DZANK1: variants seen among roughly 807,000 people sequenced by gnomAD.
The protein encoded by DZANK1 is double zinc ribbon and ankyrin repeat domains 1, also known as double zinc ribbon and ankyrin repeat-containing protein 1.
Under a neutral mutation model 94.5 loss-of-function variants are expected in DZANK1, and 91 were observed. The ratio of observed to expected loss-of-function variants is 0.96; its 90% CI spans 0.81 to 1.15. The LOEUF (loss-of-function observed/expected upper bound fraction) is 1.15, where lower values mean the gene tolerates loss of function less well. DZANK1 is among the 50% of genes most tolerant of loss of function. The pLI, the probability that DZANK1 is intolerant of heterozygous loss-of-function variation, is 0.00. For missense variants in DZANK1, 903 were observed against 916.4 expected, an observed-to-expected ratio of 0.99 and a Z score of 0.19; for synonymous variants, 312 against 325.3, an observed-to-expected ratio of 0.96 and a Z score of 0.44.
Position 18,433,746 on chromosome 20 carries a change from C to G in DZANK1, c.767G>C (p.Cys256Ser), listed in dbSNP as rs1392314392. 15 of 1,613,872 alleles carry G rather than the reference C, an allele frequency of 9.3e-6. No homozygotes were observed. The East Asian group carries it at 3.3e-4, about 36-fold the overall frequency. Residue 256 changes from cysteine to serine, a missense_variant, in exon 9 of 21, where the codon TGC (cysteine) becomes TCC (serine). Physicochemically the swap from Cys to Ser is moderately radical, Grantham distance 112. Transcript: ENST00000262547. ...AGTGTTCATGGGTACCAAGCTTCTG[C>G]ATTCTGCACACAAGCCCATCTGCAC... is the stretch of plus-strand genomic sequence containing the variant.
At chr20:18,406,748 G>T (rs181490422) in intron 13 of DZANK1, among the ~76,000 whole-genome samples, 10 of 152,362 alleles carry the variant, frequency 6.6e-5, no homozygotes, top group Admixed American at 2.0e-4. Flanking sequence ...GGCTCTTGGG[G>T]TCCCTGAGTC....
chr20:18,446,953 C>A (rs1345674127), intron 7 of DZANK1, among the ~76,000 whole-genome samples: 1 of 152,128 alleles, frequency 6.6e-6, no homozygotes, highest in Non-Finnish European at 1.5e-5. Flanking sequence ...AACCTTTTAG[C>A]AAATCAAATT....
chr20:18,456,348 A>G (rs1012026049), intron 3 of DZANK1, among the ~76,000 whole-genome samples: 4 of 152,240 alleles, frequency 2.6e-5, no homozygotes, highest in Non-Finnish European at 5.9e-5. Flanking sequence ...GCCCATGACT[A>G]AAAACTAGTG....
At chr20:18,398,586 G>C (rs1177477797) in exon 14 of DZANK1, 1 of 1,614,010 alleles carries the variant, frequency 6.2e-7, no homozygotes. Flanking sequence ...CATAACACCT[G>C]AGGTGAGCAG....
chr20:18,432,501 T>G (rs2058323656), intron 9 of DZANK1: 2 of 152,224 alleles, frequency 1.3e-5, no homozygotes, highest in Non-Finnish European at 2.9e-5. Flanking sequence ...CTACCTGACT[T>G]TGGCCTGGCC....
chr20:18,426,076 C>T (rs925459899), intron 10 of DZANK1, among the ~76,000 whole-genome samples: 4 of 152,154 alleles, frequency 2.6e-5, no homozygotes, highest in African/African-American at 4.8e-5. Context: ...CCCCAACCCC[C>T]GGGCCATGGA....
chr20:18,459,622 A>G (rs931440982), intron 3 of DZANK1, among the ~76,000 whole-genome samples: 2 of 152,180 alleles, frequency 1.3e-5, no homozygotes, highest in Admixed American at 6.5e-5. Context: ...CAAATTAAAT[A>G]GTGTTTCTAT....
At chr20:18,414,598 C>T in intron 11 of DZANK1, 86 bp from the exon 12 acceptor site, 1 of 1,443,028 alleles carries the variant, frequency 6.9e-7, no homozygotes, top group Non-Finnish European at 9.3e-7. Flanking sequence ...TTAACATATG[C>T]CCAGACTCTC....
chr20:18,463,973 T>A (rs1166466043), intron 2 of DZANK1, among the ~76,000 whole-genome samples: 1 of 152,202 alleles, frequency 6.6e-6, no homozygotes, highest in African/African-American at 2.4e-5. Context: ...ATTATATATG[T>A]GTATGTATAT....
At chr20:18,424,326 G>T (rs1256921387) in intron 10 of DZANK1, among the ~76,000 whole-genome samples, 1 of 152,046 alleles carries the variant, frequency 6.6e-6, no homozygotes, top group Non-Finnish European at 1.5e-5. Context: ...ATGGTGGCAG[G>T]CACCTGTAGT....
intron 13 of DZANK1, among the ~76,000 whole-genome samples, chr20:18,401,319 T>C (rs1568898565): frequency 1.3e-5 from 2 of 151,916 alleles, no homozygotes. Flanking sequence ...TTGGAAAGGG[T>C]CATTGTAAGA....
chr20:18,424,047 G>C (rs1282339203), intron 10 of DZANK1, among the ~76,000 whole-genome samples: 1 of 152,118 alleles, frequency 6.6e-6, no homozygotes, highest in Non-Finnish European at 1.5e-5. Context: ...GACAGAGAGA[G>C]AAGGAATGAT....
In DZANK1 at chr20:18,412,866, C is replaced by G. The variant is rs749869947; in HGVS notation, c.1243-31G>C. Reference sequence around the variant, plus strand: ...AGGCACATCGGGGCCATGCGTGAGGCAGAAGACATTTTTAAAATTAGAATA... The same window carrying G: ...AGGCACATCGGGGCCATGCGTGAGGGAGAAGACATTTTTAAAATTAGAATA... On this transcript the variant is annotated intron_variant, in intron 12 of 20. Coordinates refer to ENST00000262547, the Ensembl canonical transcript of DZANK1. 3.1e-6 allele frequency: 5 copies of G among 1,601,462 alleles called. No individual in the cohort carries two copies. The African/African-American group carries it at 6.7e-5, about 22-fold the overall frequency.
exon 16 of DZANK1, chr20:18,394,267 G>T (rs2056196608): frequency 6.2e-7 from 1 of 1,613,364 alleles, no homozygotes; most frequent in Non-Finnish European, 8.5e-7. Flanking sequence ...AGCTGGACCT[G>T]CTGCCGCACA....
At position 18,396,453 on chromosome 20, in the gene DZANK1, C is replaced by G; in HGVS notation, c.1611+19G>C. 6.3e-7 allele frequency: 1 copy of G among 1,596,756 alleles called. No homozygotes were observed. Among genetic ancestry groups the G allele is most frequent in the Non-Finnish European group, 8.6e-7 (1 of 1,167,764 alleles). On this transcript the variant is annotated intron_variant, in intron 15 of 20. Transcript: ENST00000262547. ...AATCGGTCAGTTCTCAAATGAATAA[C>G]TTCTGGAGGCTTACTCACCTTGTTT...
intron 6 of DZANK1, among the ~76,000 whole-genome samples, chr20:18,451,379 T>C (rs1165476946): frequency 6.6e-6 from 1 of 152,180 alleles, no homozygotes; most frequent in Non-Finnish European, 1.5e-5. Context: ...AATTCTTTCA[T>C]CTCTTGGTTT....
chr20:18,412,838 G>A, intron 12 of DZANK1: 2 of 1,613,910 alleles, frequency 1.2e-6, no homozygotes, highest in Admixed American at 1.7e-5. Flanking sequence ...TTCAGGGACT[G>A]CCAGGCACAT....
At chr20:18,384,992 T>C in intron 20 of DZANK1, 24 bp downstream of exon 20, 2 of 1,549,434 alleles carry the variant, frequency 1.3e-6, no homozygotes, top group Non-Finnish European at 1.7e-6. Context: ...CTCAAAAGTA[T>C]CCATCAGAGG....
chr20:18,437,247 TAAAG>T (rs2058558237), intron 8 of DZANK1, among the ~76,000 whole-genome samples: 1 of 152,100 alleles, frequency 6.6e-6, no homozygotes, highest in African/African-American at 2.4e-5. Context: ...ACATAAAAGA[TAAAG>T]AAAGGAGGAC....
Sources: allele counts gnomAD v4.1 joint callset (sites outside exome capture counted in the v4.1 genomes callset), GRCh38; gene constraint gnomAD v4.1.1; transcripts MANE v1.5; gene names NCBI Gene and HGNC (gene_info 2026-07-23, HGNC 2026-07-21).